FRMPD4: variants seen among roughly 807,000 people sequenced by gnomAD.
FRMPD4 encodes FERM and PDZ domain-containing protein 4.
FRMPD4 carries 22 observed loss-of-function variants against 94.1 expected under a neutral mutation model. The ratio of observed to expected loss-of-function variants is 0.23; its 90% CI spans 0.17 to 0.33. The LOEUF is 0.33. Among genes scored for constraint, FRMPD4 ranks in the 10% least tolerant of loss-of-function variants. The pLI, the probability that FRMPD4 is intolerant of heterozygous loss-of-function variation, is 1.00. For missense variants in FRMPD4, 1,111 were observed against 1,339.9 expected, an observed-to-expected ratio of 0.83 and a Z score of 2.67; for synonymous variants, 631 against 548.6, an observed-to-expected ratio of 1.15 and a Z score of -2.10.
intron 1 of FRMPD4, among the ~76,000 whole-genome samples, chrX:12,231,051 ATAT>A (rs2056999777): frequency 3.8e-5 from 1 of 26,654 alleles, no homozygotes; most frequent in African/African-American, 1.3e-4. Context: ...TATATATAAA[ATAT>A]ATATATATAT....
At chrX:12,442,007 A>T (rs1182000102) in intron 1 of FRMPD4, among the ~76,000 whole-genome samples, 1 of 111,797 alleles carries the variant, frequency 8.9e-6, no homozygotes, top group African/African-American at 3.2e-5. Flanking sequence ...ACAGCTTTCT[A>T]GAGCAGAACT....
intron 4 of FRMPD4, among the ~76,000 whole-genome samples, chrX:12,662,407 T>C (rs1447160636): frequency 1.8e-5 from 2 of 110,433 alleles, no homozygotes; most frequent in African/African-American, 6.6e-5. Flanking sequence ...TGTGTCCATG[T>C]GTTCTCATTG....
At chrX:11,823,204 A>G (rs2053422086) in intron 1 of FRMPD4, among the ~76,000 whole-genome samples, 1 of 110,735 alleles carries the variant, frequency 9.0e-6, no homozygotes, top group Non-Finnish European at 1.9e-5. Flanking sequence ...TTTAAGTTAC[A>G]TATTTGCTTG....
At chrX:12,059,766 T>C (rs2054874754) in intron 3 of FRMPD4, among the ~76,000 whole-genome samples, 1 of 111,438 alleles carries the variant, frequency 9.0e-6, no homozygotes, top group African/African-American at 3.3e-5. Flanking sequence ...GCTGCATCCA[T>C]GTTGCTGCAA....
chrX:12,269,457 G>A (rs1445651162), intron 1 of FRMPD4, among the ~76,000 whole-genome samples: 1 of 112,032 alleles, frequency 8.9e-6, no homozygotes, highest in Non-Finnish European at 1.9e-5. Context: ...TTTTGAAACT[G>A]GGATTTTAAA....
At chrX:12,665,969 C>T (rs925122854) in intron 4 of FRMPD4, among the ~76,000 whole-genome samples, 3 of 111,159 alleles carry the variant, frequency 2.7e-5, no homozygotes, top group Non-Finnish European at 5.7e-5. Flanking sequence ...AATTAAAAGA[C>T]ACAGACTGGC....
At chrX:12,659,108 C>T (rs776900117) in intron 4 of FRMPD4, among the ~76,000 whole-genome samples, 13 of 112,160 alleles carry the variant, frequency 1.2e-4, no homozygotes, top group Non-Finnish European at 5.6e-5. Context: ...ACTTCCCTGG[C>T]AGGTTCCACC....
chrX:12,063,342 C>A (rs969522420), intron 3 of FRMPD4, among the ~76,000 whole-genome samples: 6 of 111,780 alleles, frequency 5.4e-5, no homozygotes, highest in African/African-American at 2.0e-4. Context: ...GCACTCCAGC[C>A]TTGGCAACAG....
intron 2 of FRMPD4, among the ~76,000 whole-genome samples, chrX:12,559,135 C>G (rs970023636): frequency 8.9e-6 from 1 of 112,132 alleles, no homozygotes; most frequent in African/African-American, 3.2e-5. Flanking sequence ...AGGTTAATAA[C>G]TTTCATTGGC....
chrX:12,168,293 G>A (rs1469575286), intron 1 of FRMPD4, among the ~76,000 whole-genome samples: 1 of 107,925 alleles, frequency 9.3e-6, no homozygotes, highest in African/African-American at 3.4e-5. Context: ...ACTGAGTTAA[G>A]TCACTAATAC....
At chrX:12,071,111 T>C (rs2054963641) in intron 3 of FRMPD4, among the ~76,000 whole-genome samples, 1 of 111,447 alleles carries the variant, frequency 9.0e-6, no homozygotes, top group Non-Finnish European at 1.9e-5. Context: ...ATAGAATGGG[T>C]CTCTGAGTAT....
intron 1 of FRMPD4, among the ~76,000 whole-genome samples, chrX:12,326,147 G>A (rs189532923): frequency 8.9e-6 from 1 of 112,241 alleles, no homozygotes; most frequent in Admixed American, 9.4e-5. Flanking sequence ...ATACAGGTGT[G>A]TAAGTATTCC....
chrX:12,388,245 A>G (rs2056424491), intron 1 of FRMPD4, among the ~76,000 whole-genome samples: 1 of 112,286 alleles, frequency 8.9e-6, no homozygotes, highest in South Asian at 3.7e-4. Flanking sequence ...CATTGTATAT[A>G]CTAGATTTTA....
intron 3 of FRMPD4, among the ~76,000 whole-genome samples, chrX:12,086,858 C>T (rs148005688): frequency 0.037 from 4,092 of 111,660 alleles, 190 homozygotes; most frequent in African/African-American, 0.13. Flanking sequence ...TGTTCCTTTC[C>T]TGGGGCCATC....
intron 4 of FRMPD4, among the ~76,000 whole-genome samples, chrX:12,621,996 AAGAAAGAAAG>A (rs2059297779): frequency 2.2e-5 from 1 of 45,054 alleles, no homozygotes; most frequent in Non-Finnish European, 3.8e-5. Context: ...GAAAGAAAGA[AAGAAAGAAAG>A]AAAGAAAGAA....
At chrX:12,693,265 T>C (rs961320331) in intron 8 of FRMPD4, among the ~76,000 whole-genome samples, 1 of 112,515 alleles carries the variant, frequency 8.9e-6, no homozygotes, top group African/African-American at 3.2e-5. Flanking sequence ...GTTTTCATTT[T>C]GTTTTGTTGA....
intron 3 of FRMPD4, among the ~76,000 whole-genome samples, chrX:11,963,903 A>C (rs1601859520): frequency 9.0e-6 from 1 of 111,506 alleles, no homozygotes; most frequent in Admixed American, 9.5e-5. Context: ...ATATAGGTGA[A>C]AAAATTCCCT....
chrX:12,177,106 A>G (rs1367940588), intron 1 of FRMPD4, among the ~76,000 whole-genome samples: 1 of 111,971 alleles, frequency 8.9e-6, no homozygotes, highest in Non-Finnish European at 1.9e-5. Flanking sequence ...ATATCTGGAA[A>G]TGTCACCCAC....
At chrX:11,955,804 A>G (rs1316365443) in intron 3 of FRMPD4, among the ~76,000 whole-genome samples, 1 of 110,893 alleles carries the variant, frequency 9.0e-6, no homozygotes, top group Non-Finnish European at 1.9e-5. Flanking sequence ...TATCAACTTT[A>G]TTTTGTTTAA....
Sources: allele counts gnomAD v4.1 joint callset (sites outside exome capture counted in the v4.1 genomes callset), GRCh38; gene constraint gnomAD v4.1.1; transcripts MANE v1.5; gene names NCBI Gene and HGNC (gene_info 2026-07-23, HGNC 2026-07-21).